ZNF738: variants seen among roughly 807,000 people sequenced by gnomAD.
ZNF738 encodes zinc finger protein 738.
In ZNF738, 10 loss-of-function variants were observed where a neutral mutation model predicts 9.2. The ratio of observed to expected loss-of-function variants is 1.09; its 90% CI spans 0.67 to 1.85. The LOEUF (loss-of-function observed/expected upper bound fraction) is 1.85, where lower values mean the gene tolerates loss of function less well. Among genes scored for constraint, ZNF738 ranks in the 40% most tolerant of loss-of-function variants. The pLI is 0.00. For missense variants in ZNF738, 346 were observed against 283.6 expected (o/e 1.22, Z -1.58); for synonymous variants, 113 against 94.5 (o/e 1.20, Z -1.14).
intron 2 of ZNF738, among the ~76,000 whole-genome samples, chr19:21,371,402 C>G (rs1480795688): frequency 3.9e-5 from 6 of 152,176 alleles, no homozygotes; most frequent in Non-Finnish European, 5.9e-5. Context: ...GTTTCTGTCT[C>G]GTTGTAAGAG....
In ZNF738 at chr19:21,376,361, T is replaced by C. The variant is rs149122334; in HGVS notation, c.319+397T>C. 255 of 159,378 alleles carry C rather than the reference T, an allele frequency of 1.6e-3. 1 individual carries two copies. The highest frequency in any genetic ancestry group is 5.8e-3 in the African/African-American group (240 of 41,608). 9.9% of individuals were successfully genotyped at this position (159,378 alleles called of 1,614,324 possible). Reference sequence around the variant, plus strand: ...ATTTTTTTAGTTCTCTTTTGCATCATGTCTAAAATGTGTGAGAGTAGTGGT... The same window carrying C: ...ATTTTTTTAGTTCTCTTTTGCATCACGTCTAAAATGTGTGAGAGTAGTGGT... On this transcript the variant is annotated intron_variant, in intron 4 of 4. Transcript: ENST00000683779.
At chr19:21,377,158 T>C (rs1294909222) in intron 4 of ZNF738, among the ~76,000 whole-genome samples, 1 of 151,948 alleles carries the variant, frequency 6.6e-6, no homozygotes, top group African/African-American at 2.4e-5. Context: ...AAATACAAAA[T>C]TAGCCAGGTA....
At chr19:21,377,218 A>T (rs1973940039) in intron 4 of ZNF738, among the ~76,000 whole-genome samples, 1 of 152,016 alleles carries the variant, frequency 6.6e-6, no homozygotes, top group South Asian at 2.1e-4. Context: ...GAGGCAGAAG[A>T]ATCGCTTGAA....
At position 21,385,643 on chromosome 19, in the gene ZNF738, T is replaced by C. The variant is rs546803206; in HGVS notation, c.*1969T>C. On this transcript the variant is annotated 3_prime_UTR_variant, in exon 5 of 5. Coordinates refer to ENST00000683779, the MANE Select transcript of ZNF738 (RefSeq NM_001355237.2). ...AAAGCTTTTAACTGGTACTCATGCC[T>C]TACTGCACATAAGATAATTCATACT... 6.6e-6 allele frequency among the ~76,000 whole-genome samples: 1 copy of C among 152,250 alleles called. No individual in the cohort carries two copies. The highest frequency in any genetic ancestry group is 6.5e-5 in the Admixed American group (1 of 15,294).
At chr19:21,367,848 A>T (rs1235605905) in intron 2 of ZNF738, among the ~76,000 whole-genome samples, 1 of 152,176 alleles carries the variant, frequency 6.6e-6, no homozygotes, top group Non-Finnish European at 1.5e-5. Context: ...TCACCACAGC[A>T]TATTTGATCC....
Position 21,383,020 on chromosome 19 carries a change from A to G in ZNF738, c.474A>G (p.Lys158=). ...CKSVNECNVQ[K]EGYNELKEYL... ...GTGTGAATGAGTGTAATGTGCAAAAAGAAGGTTATAATGAACTAAAAGAGT... is the reference window on the plus strand; with the variant it reads ...GTGTGAATGAGTGTAATGTGCAAAAGGAAGGTTATAATGAACTAAAAGAGT... Residue 158 remains lysine, a synonymous_variant, in exon 5 of 5, where the codon AAA becomes AAG. Coordinates refer to ENST00000683779, the MANE Select transcript of ZNF738 (RefSeq NM_001355237.2). The G allele has an allele frequency of 1.3e-6, 1 of 793,050 alleles. No individual in the cohort carries two copies. Among genetic ancestry groups the G allele is most frequent in the Non-Finnish European group, 2.2e-6 (1 of 449,518 alleles). 49.1% of individuals were successfully genotyped at this position (793,050 alleles called of 1,614,324 possible). A position where few individuals can be genotyped will look rare whatever the true frequency, so the allele number is the denominator to read the frequency against.
In ZNF738 at chr19:21,385,838, G is replaced by C. The variant is rs1479136895; in HGVS notation, c.*2164G>C. On this transcript the variant is annotated 3_prime_UTR_variant, in exon 5 of 5. Coordinates refer to ENST00000683779, the MANE Select transcript of ZNF738 (RefSeq NM_001355237.2). ...ACTAAAAATAAGGTGATTCATTCTGGAGAGAAATTCTACAAATGTGAAGAA... is the reference window on the plus strand; with the variant it reads ...ACTAAAAATAAGGTGATTCATTCTGCAGAGAAATTCTACAAATGTGAAGAA... 2.0e-5 allele frequency among the ~76,000 whole-genome samples: 3 copies of C among 152,040 alleles called. No individual in the cohort carries two copies. The highest frequency in any genetic ancestry group is 1.3e-4 in the Admixed American group (2 of 15,264).
At chr19:21,367,672 G>T (rs142360856) in intron 2 of ZNF738, among the ~76,000 whole-genome samples, 2 of 152,248 alleles carry the variant, frequency 1.3e-5, no homozygotes, top group African/African-American at 4.8e-5. Context: ...GTGATTCCAG[G>T]TCTCCTCTTA....
At chr19:21,366,007 C>T (rs1054781924) in intron 2 of ZNF738, among the ~76,000 whole-genome samples, 1 of 151,732 alleles carries the variant, frequency 6.6e-6, no homozygotes, top group Non-Finnish European at 1.5e-5. Context: ...TGCATTTCTA[C>T]ACACAGAGTA....
At chr19:21,360,602 C>T (rs2061918) in intron 1 of ZNF738, 85,952 of 151,692 alleles carry the variant, frequency 0.57, 24,617 homozygotes, top group Middle Eastern at 0.69. Context: ...TACAGGTGCG[C>T]GCCATCATAC....
At chr19:21,361,391 C>T (rs191919676) in intron 1 of ZNF738, among the ~76,000 whole-genome samples, 378 of 148,662 alleles carry the variant, frequency 2.5e-3, no homozygotes, top group African/African-American at 9.1e-3. Context: ...CCGCCCGCCT[C>T]GGCCTCCCAA....
chr19:21,383,059 C>G lies in ZNF738; in HGVS notation c.513C>G (p.Thr171=). ...YNELKEYLTT[T]QSKIFQCDKY... ...AACTAAAAGAGTATTTGACAACTACCCAGAGCAAAATATTTCAATGTGATA... is the reference window on the plus strand; with the variant it reads ...AACTAAAAGAGTATTTGACAACTACGCAGAGCAAAATATTTCAATGTGATA... Residue 171 remains threonine, a synonymous_variant, in exon 5 of 5, where the codon ACC becomes ACG. Transcript: ENST00000683779. The G allele has an allele frequency of 1.7e-6, 2 of 1,159,372 alleles. No individual in the cohort carries two copies. The highest frequency in any genetic ancestry group is 2.5e-5 in the South Asian group (2 of 81,104). 71.8% of individuals were successfully genotyped at this position (1,159,372 alleles called of 1,614,324 possible). A position where few individuals can be genotyped will look rare whatever the true frequency, so the allele number is the denominator to read the frequency against.
rs1386392387 is a variant in ZNF738 at position 21,385,446 on chromosome 19, A to G, written c.*1772A>G. Among the ~76,000 whole-genome samples the G allele has an allele frequency of 6.6e-6, 1 of 151,600 alleles. No homozygotes were observed. Among genetic ancestry groups the G allele is most frequent in the Non-Finnish European group, 1.5e-5 (1 of 67,910 alleles). On this transcript the variant is annotated 3_prime_UTR_variant, in exon 5 of 5. Coordinates refer to ENST00000683779, the MANE Select transcript of ZNF738 (RefSeq NM_001355237.2). ...ACTCCAGCCTGGATGACAGAGAGAG[A>G]CTCTATCTCCAAAAAAATAAATAAA...
intron 4 of ZNF738, chr19:21,381,945 G>C (rs1974010012): frequency 8.9e-6 from 2 of 225,970 alleles, no homozygotes; most frequent in African/African-American, 4.6e-5. Flanking sequence ...ATGCCCCAGT[G>C]CCTCAGGCCA....
chr19:21,386,665 C>G lies in ZNF738; in HGVS notation c.*2991C>G, dbSNP rs1483034480. On this transcript the variant is annotated 3_prime_UTR_variant, in exon 5 of 5. Coordinates refer to ENST00000683779, the MANE Select transcript of ZNF738 (RefSeq NM_001355237.2). Reference sequence around the variant, plus strand: ...AAGAAAATTCATATTGGAGATTAACCTTATGAGTGTGAAAAATATGGCAAA... The same window carrying G: ...AAGAAAATTCATATTGGAGATTAACGTTATGAGTGTGAAAAATATGGCAAA... 1.5e-5 allele frequency: 3 copies of G among 193,978 alleles called. No individual in the cohort carries two copies. The highest frequency in any genetic ancestry group is 7.1e-5 in the African/African-American group (3 of 42,136). The allele number at this position is 193,978 out of a possible 1,614,324, so 12.0% of individuals were successfully genotyped here. A position where few individuals can be genotyped will look rare whatever the true frequency, so the allele number is the denominator to read the frequency against.
intron 2 of ZNF738, among the ~76,000 whole-genome samples, chr19:21,364,484 A>C (rs1329772871): frequency 6.6e-6 from 1 of 152,146 alleles, no homozygotes; most frequent in Non-Finnish European, 1.5e-5. Flanking sequence ...GAAAAATTTT[A>C]TTTAGACCAC....
At chr19:21,368,133 G>A (rs1185290740) in intron 2 of ZNF738, among the ~76,000 whole-genome samples, 1 of 152,192 alleles carries the variant, frequency 6.6e-6, no homozygotes, top group Admixed American at 6.5e-5. Context: ...TACACGTGCA[G>A]GTTTGTTATA....
chr19:21,379,831 C>A (rs182305475), intron 4 of ZNF738, among the ~76,000 whole-genome samples: 1 of 152,108 alleles, frequency 6.6e-6, no homozygotes, highest in East Asian at 1.9e-4. Flanking sequence ...CATAAAACTA[C>A]CGCTCTAGGT....
Position 21,365,448 on chromosome 19 carries a change from C to T in ZNF738, c.96+3590C>T, listed in dbSNP as rs527753118. Among the ~76,000 whole-genome samples, 15 of 152,196 alleles carry T rather than the reference C, an allele frequency of 9.9e-5. No individual in the cohort carries two copies. The South Asian group carries it at 2.9e-3, about 29-fold the overall frequency. Reference sequence around the variant, plus strand: ...TTCCTCCCTCTTTTGTACAAAAAAACCCCTTAATCATAAGGGTTACAGAGG... The same window carrying T: ...TTCCTCCCTCTTTTGTACAAAAAAATCCCTTAATCATAAGGGTTACAGAGG... On this transcript the variant is annotated intron_variant, in intron 2 of 4. Coordinates refer to ENST00000683779, the MANE Select transcript of ZNF738 (RefSeq NM_001355237.2).
Sources: gnomAD v4.1 joint callset for allele counts (sites outside exome capture counted in the v4.1 genomes callset) on GRCh38, gnomAD v4.1.1 for gene constraint, MANE v1.5 for transcripts, NCBI Gene and HGNC (gene_info 2026-07-23, HGNC 2026-07-21) for gene names.